Variants in UBR1 observed in about 807,000 individuals in gnomAD.
The protein encoded by UBR1 is E3 ubiquitin-protein ligase UBR1.
In UBR1, 102 loss-of-function variants were observed where a neutral mutation model predicts 242.1. That is an observed-to-expected ratio of 0.42 (90% CI 0.36 to 0.50). The LOEUF (loss-of-function observed/expected upper bound fraction) is 0.50, where lower values mean the gene tolerates loss of function less well. Among genes scored for constraint, UBR1 ranks in the 20% least tolerant of loss-of-function variants. The probability of loss-of-function intolerance (pLI) is 0.01; values close to 1 mark genes in which losing one functional copy is unlikely to be tolerated. For missense variants in UBR1, 1,772 were observed against 2,101.8 expected (o/e 0.84, Z 3.07); for synonymous variants, 675 against 684.8 (o/e 0.99, Z 0.22).
chr15:43,043,971 G>C lies in UBR1; in HGVS notation c.1669-576C>G, dbSNP rs2033452299. On this transcript the variant is annotated intron_variant, in intron 14 of 46. Coordinates refer to ENST00000290650, the MANE Select transcript of UBR1 (RefSeq NM_174916.3). ...CACAAAGAACTGGGAAGACATATTT[G>C]TGAAAGCAGCTTCTGATGGGCCCTA... Among the ~76,000 whole-genome samples, 3 of 152,280 alleles carry C rather than the reference G, an allele frequency of 2.0e-5. No individual in the cohort carries two copies. The South Asian group carries it at 6.2e-4, about 32-fold the overall frequency.
chr15:43,035,985 C>T (rs550236236), intron 19 of UBR1, among the ~76,000 whole-genome samples, 193 bp downstream of exon 19: 7 of 151,484 alleles, frequency 4.6e-5, no homozygotes, highest in African/African-American at 1.5e-4. Flanking sequence ...TGCTAGATGA[C>T]GAGTTAGTGG....
chr15:42,991,384 GCAC>G (rs1189148583), intron 33 of UBR1, among the ~76,000 whole-genome samples: 1 of 151,378 alleles, frequency 6.6e-6, no homozygotes, highest in Non-Finnish European at 1.5e-5. Flanking sequence ...CTACAGACAC[GCAC>G]CACTGTGCCT....
rs1363747702 is a variant in UBR1, at chr15:43,038,247, A to C, written c.1850-15T>G. On this transcript the variant is annotated splice_polypyrimidine_tract_variant and intron_variant, in intron 15 of 46. Coordinates refer to ENST00000290650, the MANE Select transcript of UBR1 (RefSeq NM_174916.3). ...TACATGAAGACCTAAAGTTAAAAAAACGAGAGAGAAAATGAGAAAACAAAC... is the reference window on the plus strand; with the variant it reads ...TACATGAAGACCTAAAGTTAAAAAACCGAGAGAGAAAATGAGAAAACAAAC... 2 of 1,613,658 alleles carry C rather than the reference A, an allele frequency of 1.2e-6. No homozygotes were observed. The highest frequency in any genetic ancestry group is 1.7e-5 in the Admixed American group (1 of 59,990).
intron 19 of UBR1, among the ~76,000 whole-genome samples, chr15:43,034,265 TAA>T: frequency 1.0e-5 from 1 of 97,618 alleles, no homozygotes; most frequent in East Asian, 2.6e-4. Context: ...AATAAATAAA[TAA>T]ATAAATAAAT....
intron 39 of UBR1, among the ~76,000 whole-genome samples, chr15:42,975,420 C>T (rs190150196): frequency 8.4e-4 from 122 of 144,714 alleles, no homozygotes; most frequent in Non-Finnish European, 1.4e-3. Flanking sequence ...AATCTCCCAT[C>T]GATGGACAGC....
intron 39 of UBR1, 114 bp from the exon 40 acceptor site, chr15:42,970,721 C>G: frequency 1.1e-6 from 1 of 933,324 alleles, no homozygotes; most frequent in South Asian, 1.5e-5. Context: ...AACTGAGGTT[C>G]TTTCCTTTTT....
At chr15:43,059,967 A>G (rs1206149600) in intron 7 of UBR1, 85 bp downstream of exon 7, 6 of 1,560,044 alleles carry the variant, frequency 3.8e-6, no homozygotes, top group Non-Finnish European at 5.3e-6. Context: ...CTTCAACGAC[A>G]TCATCACTCA....
At chr15:43,062,901 GA>G (rs558448367) in intron 6 of UBR1, among the ~76,000 whole-genome samples, 26 of 144,262 alleles carry the variant, frequency 1.8e-4, no homozygotes, top group African/African-American at 2.0e-4. Context: ...TGTCTACTCT[GA>G]AAAAAAAAAA....
rs749778686 is a variant in UBR1, at chr15:42,945,370, T to A, written c.5209A>T (p.Thr1737Ser). ...TTGAATCCAAATAACATCTGATTAG[T>A]CTCTTGGCTCCTAGCAATCTCTTCT... ...IIEEIARSQE[T>S]NQMLFGFNWQ... Residue 1737 changes from threonine (T) to serine (S), a missense_variant, in exon 47 of 47, where the codon ACT (threonine) becomes TCT (serine). Coordinates refer to ENST00000290650, the MANE Select transcript of UBR1 (RefSeq NM_174916.3). 5.0e-6 allele frequency: 8 copies of A among 1,614,210 alleles called. No homozygotes were observed. In the South Asian group the frequency reaches 8.8e-5, roughly 18 times the overall value.
intron 33 of UBR1, among the ~76,000 whole-genome samples, chr15:42,996,146 T>C (rs1005905709): frequency 5.8e-5 from 8 of 138,536 alleles, no homozygotes; most frequent in African/African-American, 1.7e-4. Flanking sequence ...CCCTTACTAC[T>C]TCAGCCCCTA....
chr15:43,018,472 C>T (rs1464230080), intron 27 of UBR1, among the ~76,000 whole-genome samples: 2 of 152,210 alleles, frequency 1.3e-5, no homozygotes, highest in African/African-American at 4.8e-5. Context: ...TCACTGCAAC[C>T]TGTCTCCTGG....
chr15:43,079,997 AG>A (rs2033957225), intron 3 of UBR1, among the ~76,000 whole-genome samples: 1 of 152,234 alleles, frequency 6.6e-6, no homozygotes, highest in South Asian at 2.1e-4. Context: ...GTCAGGACTC[AG>A]GGAACACTAC....
Position 42,960,625 on chromosome 15 carries a change from G to C in UBR1, c.4757+20C>G, listed in dbSNP as rs775925380. ...CACAACTTGTGGATGAGGGAGAAAG[G>C]ATTAAGTAGTAAAACCAACCTGACC... On this transcript the variant is annotated intron_variant, in intron 43 of 46. Transcript: ENST00000290650. The C allele has an allele frequency of 1.2e-6, 2 of 1,613,040 alleles. No individual in the cohort carries two copies. The highest frequency in any genetic ancestry group is 3.3e-5 in the Admixed American group (2 of 60,010).
At chr15:42,995,820 A>C (rs1689693622) in intron 33 of UBR1, among the ~76,000 whole-genome samples, 1 of 152,242 alleles carries the variant, frequency 6.6e-6, no homozygotes, top group African/African-American at 2.4e-5. Context: ...GTTTTGTTAT[A>C]AAATGAAGGA....
At chr15:43,056,515 T>A in intron 10 of UBR1, 73 bp from the exon 11 acceptor site, 1 of 994,462 alleles carries the variant, frequency 1.0e-6, no homozygotes, top group African/African-American at 1.6e-5. Flanking sequence ...TTTTAATAAC[T>A]GCTGCAGGTT....
At chr15:43,081,232 CA>C (rs2033970582) in intron 3 of UBR1, among the ~76,000 whole-genome samples, 1 of 152,020 alleles carries the variant, frequency 6.6e-6, no homozygotes, top group African/African-American at 2.4e-5. Flanking sequence ...GCCTGACCAG[CA>C]GAGTGAAACC....
At chr15:42,997,500 TA>T (rs2032658177) in intron 33 of UBR1, among the ~76,000 whole-genome samples, 1 of 152,188 alleles carries the variant, frequency 6.6e-6, no homozygotes. Context: ...ACCATTGGCC[TA>T]AACAAAAGAC....
At position 43,075,207 on chromosome 15, in the gene UBR1, G is replaced by A. The variant is rs569860775; in HGVS notation, c.418-118C>T. On this transcript the variant is annotated intron_variant, in intron 3 of 46. Transcript: ENST00000290650. ...TACTCCAACCTTAATTGAGTTCAAT[G>A]TAATATTAACTGGATGTAACAAAAA... The A allele has an allele frequency of 2.2e-5, 19 of 879,584 alleles. No homozygotes were observed. In the African/African-American group the frequency reaches 3.1e-4, roughly 14 times the overall value. 54.5% of individuals were successfully genotyped at this position (879,584 alleles called of 1,614,324 possible).
chr15:42,985,711 G>A (rs545631916), intron 35 of UBR1, among the ~76,000 whole-genome samples: 1 of 152,144 alleles, frequency 6.6e-6, no homozygotes, highest in South Asian at 2.1e-4. Context: ...AAATGAGACC[G>A]GGTGCAGTGG....
Sources: gnomAD v4.1 joint callset for allele counts (sites outside exome capture counted in the v4.1 genomes callset) on GRCh38, gnomAD v4.1.1 for gene constraint, MANE v1.5 for transcripts, NCBI Gene and HGNC (gene_info 2026-07-23, HGNC 2026-07-21) for gene names.